Variants in SMCO4 observed in about 807,000 individuals in gnomAD.
SMCO4 encodes the protein single-pass membrane and coiled-coil domain-containing protein 4.
Under a neutral mutation model 3.6 loss-of-function variants are expected in SMCO4, and 4 were observed. The ratio of observed to expected loss-of-function variants is 1.11; its 90% CI spans 0.54 to 2.53. SMCO4 has a LOEUF of 2.53. Ranked by LOEUF, SMCO4 falls within the 30% of genes most tolerant of loss-of-function variation. SMCO4 has a pLI of 0.02. For synonymous variants in SMCO4, 36 were observed against 35.3 expected (o/e 1.02, Z -0.07); for missense variants, 70 against 80.8 (o/e 0.87, Z 0.51).
chr11:93,483,302 G>A (rs1379650181), intron 2 of SMCO4, among the ~76,000 whole-genome samples: 1 of 152,180 alleles, frequency 6.6e-6, no homozygotes, highest in Non-Finnish European at 1.5e-5. Flanking sequence ...GCTAAGGATC[G>A]CCTCACCATG....
chr11:93,499,539 G>A (rs1391243363), intron 1 of SMCO4, among the ~76,000 whole-genome samples, 191 bp from the exon 2 acceptor site: 1 of 152,210 alleles, frequency 6.6e-6, no homozygotes, highest in African/African-American at 2.4e-5. Flanking sequence ...ACTGGCACAT[G>A]TGTGCATGTG....
chr11:93,489,750 G>A (rs1426480205), intron 2 of SMCO4, among the ~76,000 whole-genome samples: 1 of 152,178 alleles, frequency 6.6e-6, no homozygotes, highest in African/African-American at 2.4e-5. Context: ...ATGTGTCCAA[G>A]GAGCCCCCTC....
chr11:93,511,657 T>C (rs7928401), intron 1 of SMCO4, among the ~76,000 whole-genome samples: 26,087 of 152,146 alleles, frequency 0.17, 2,309 homozygotes, highest in African/African-American at 0.2. Flanking sequence ...ACGCAGGGTG[T>C]GCTTATCACC....
chr11:93,544,027 G>T (rs1302424575), upstream of SMCO4, among the ~76,000 whole-genome samples: 1 of 152,168 alleles, frequency 6.6e-6, no homozygotes, highest in African/African-American at 2.4e-5. Context: ...GAGGCCCACG[G>T]CTAAATGTTA....
At chr11:93,507,778 C>A (rs1948921701) in intron 1 of SMCO4, among the ~76,000 whole-genome samples, 1 of 152,184 alleles carries the variant, frequency 6.6e-6, no homozygotes, top group South Asian at 2.1e-4. Context: ...ACACTCCTCC[C>A]TTTTCTAACT....
rs56700138 is a variant in SMCO4 at position 93,514,413 on chromosome 11, T to TACACAC, written c.-153-15066_-153-15065insGTGTGT. Among the ~76,000 whole-genome samples the TACACAC allele has an allele frequency of 4.7e-4, 16 of 33,962 alleles. 1 individual carries two copies. Among genetic ancestry groups the TACACAC allele is most frequent in the African/African-American group, 1.3e-3 (14 of 10,722 alleles). 22.3% of individuals were successfully genotyped at this position (33,962 alleles called of 152,430 possible). A position where few individuals can be genotyped will look rare whatever the true frequency, so the allele number is the denominator to read the frequency against. ...ATATATATATATATATATATATATA[T>TACACAC]ATATATATAAAATTTGGTCTCTTCC... is the stretch of plus-strand genomic sequence containing the variant. On this transcript the variant is annotated intron_variant, in intron 1 of 2. Coordinates refer to ENST00000298966, the MANE Select transcript of SMCO4 (RefSeq NM_020179.3).
intron 2 of SMCO4, among the ~76,000 whole-genome samples, chr11:93,492,171 C>T (rs1380366036): frequency 6.6e-6 from 1 of 152,230 alleles, no homozygotes; most frequent in African/African-American, 2.4e-5. Context: ...CTCCAGCAAC[C>T]GTTCATTTAT....
intron 2 of SMCO4, among the ~76,000 whole-genome samples, chr11:93,495,960 C>A (rs758172182): frequency 5.9e-5 from 9 of 152,330 alleles, no homozygotes; most frequent in Non-Finnish European, 1.2e-4. Flanking sequence ...GAATGTCTCA[C>A]AAGCTACAAC....
intron 2 of SMCO4, among the ~76,000 whole-genome samples, chr11:93,484,325 T>G (rs1457289226): frequency 6.6e-6 from 1 of 152,228 alleles, no homozygotes; most frequent in East Asian, 1.9e-4. Context: ...TATGCACACA[T>G]GCTAACTTCT....
chr11:93,482,213 T>C (rs1948599591), intron 2 of SMCO4, among the ~76,000 whole-genome samples: 1 of 152,078 alleles, frequency 6.6e-6, no homozygotes, highest in African/African-American at 2.4e-5. Context: ...ATCTCTGAGA[T>C]AACGACTGGG....
Position 93,499,297 on chromosome 11 carries a change from C to T in SMCO4, c.-102G>A, listed in dbSNP as rs1027605951. On this transcript the variant is annotated 5_prime_UTR_variant, in exon 2 of 3. Coordinates refer to ENST00000298966, the MANE Select transcript of SMCO4 (RefSeq NM_020179.3). ...TTACCTTTTCTTCAACTTCAAGAAT[C>T]GTTGATTAATTTCAGCAAACTGATT... The T allele has an allele frequency of 6.6e-5, 10 of 152,214 alleles. No homozygotes were observed. Among genetic ancestry groups the T allele is most frequent in the Non-Finnish European group, 1.5e-4 (10 of 68,042 alleles). The allele number at this position is 152,214 out of a possible 1,614,324, so 9.4% of individuals were successfully genotyped here.
At chr11:93,514,462 T>C (rs1948991537) in intron 1 of SMCO4, among the ~76,000 whole-genome samples, 1 of 142,696 alleles carries the variant, frequency 7.0e-6, no homozygotes, top group Non-Finnish European at 1.5e-5. Context: ...AGTGTGTAAT[T>C]CCTGACATCA....
intron 2 of SMCO4, among the ~76,000 whole-genome samples, chr11:93,493,090 GTCC>G (rs1159751804): frequency 6.6e-6 from 1 of 152,162 alleles, no homozygotes; most frequent in African/African-American, 2.4e-5. Context: ...TAATTTAAAT[GTCC>G]TCCTTTTTGC....
chr11:93,547,262 T>C (rs982649055), upstream of SMCO4, among the ~76,000 whole-genome samples: 1 of 152,184 alleles, frequency 6.6e-6, no homozygotes, highest in African/African-American at 2.4e-5. Flanking sequence ...CAGCCTTGGT[T>C]AGCTTGGCCA....
At chr11:93,540,056 C>T (rs538385223) in intron 1 of SMCO4, among the ~76,000 whole-genome samples, 2 of 152,008 alleles carry the variant, frequency 1.3e-5, no homozygotes, top group African/African-American at 2.4e-5. Context: ...TTCTGGCTTA[C>T]GATTTTTTCA....
chr11:93,545,708 CACTAATGGCTTCTAATGAA>C (rs1949311845), upstream of SMCO4, among the ~76,000 whole-genome samples: 1 of 151,220 alleles, frequency 6.6e-6, no homozygotes, highest in South Asian at 2.1e-4. Flanking sequence ...ACACATTTTA[CACTAATGGCTTCTAATGAA>C]TCACCCCTAC....
chr11:93,519,410 G>A (rs1202925806), intron 1 of SMCO4, among the ~76,000 whole-genome samples: 1 of 152,230 alleles, frequency 6.6e-6, no homozygotes, highest in African/African-American at 2.4e-5. Flanking sequence ...CAAGTGACTT[G>A]GCAGCATTCA....
At chr11:93,490,046 A>T (rs1450326634) in intron 2 of SMCO4, among the ~76,000 whole-genome samples, 2 of 152,226 alleles carry the variant, frequency 1.3e-5, no homozygotes, top group East Asian at 3.8e-4. Context: ...CCAGCAGCAA[A>T]GGAGGTTCCT....
At chr11:93,506,440 C>CTTT (rs35870051) in intron 1 of SMCO4, among the ~76,000 whole-genome samples, 2 of 139,776 alleles carry the variant, frequency 1.4e-5, no homozygotes, top group Non-Finnish European at 3.1e-5. Flanking sequence ...ACACACACAG[C>CTTT]TTTTTTTTTT....
Sources: gnomAD v4.1 joint callset for allele counts (sites outside exome capture counted in the v4.1 genomes callset) on GRCh38, gnomAD v4.1.1 for gene constraint, MANE v1.5 for transcripts, NCBI Gene and HGNC (gene_info 2026-07-23, HGNC 2026-07-21) for gene names.